The following IL1RAP variants were observed in gnomAD, a reference collection of about 807,000 sequenced individuals.
IL1RAP encodes interleukin-1 receptor accessory protein.
A neutral mutation model predicts 60.7 loss-of-function variants in IL1RAP; 35 were observed. The observed-to-expected ratio is 0.58, with a 90% CI of 0.44 to 0.76. The LOEUF is 0.76. IL1RAP is among the 30% of genes least tolerant of loss of function. The pLI, the probability that IL1RAP is intolerant of heterozygous loss-of-function variation, is 0.00. For synonymous variants in IL1RAP, 268 were observed against 250.9 expected, an observed-to-expected ratio of 1.07 and a Z score of -0.64; for missense variants, 572 against 693.9, an observed-to-expected ratio of 0.82 and a Z score of 1.97.
rs547723841 is a variant in IL1RAP at position 190,613,715 on chromosome 3, C to T, written c.537+4534C>T. Among the ~76,000 whole-genome samples, 51 of 152,182 alleles carry T rather than the reference C, an allele frequency of 3.4e-4. No homozygotes were observed. In the South Asian group the frequency reaches 0.01, roughly 30 times the overall value. On this transcript the variant is annotated intron_variant, in intron 5 of 11. Transcript: ENST00000447382. ...GGGCATGGTGGCGCACACCTGTAGT[C>T]CCAGCTACTCCGGAGGCTGAGGCAG... is the stretch of plus-strand genomic sequence containing the variant.
intron 9 of IL1RAP, among the ~76,000 whole-genome samples, chr3:190,632,925 C>G (rs1313356545): frequency 6.6e-6 from 1 of 152,180 alleles, no homozygotes; most frequent in African/African-American, 2.4e-5. Flanking sequence ...TTTCTGCATT[C>G]CCTGCTCTGT....
At chr3:190,656,634 C>A (rs1419066071) in exon 12 of IL1RAP, 16 of 1,313,340 alleles carry the variant, frequency 1.2e-5, no homozygotes, top group Non-Finnish European at 1.7e-5. Context: ...GTGGTGGCTA[C>A]TATCTCTACC....
chr3:190,630,794 T>G (rs1732726268), intron 9 of IL1RAP, among the ~76,000 whole-genome samples: 1 of 152,214 alleles, frequency 6.6e-6, no homozygotes, highest in Non-Finnish European at 1.5e-5. Context: ...AGCACCTGTG[T>G]TGAAATTCTG....
intron 1 of IL1RAP, among the ~76,000 whole-genome samples, chr3:190,514,843 C>T (rs1359926211): frequency 6.6e-6 from 1 of 152,188 alleles, no homozygotes; most frequent in Non-Finnish European, 1.5e-5. Context: ...CCGGAGGAAG[C>T]GGAGCTAGTG....
chr3:190,579,173 C>T (rs1021707811), intron 3 of IL1RAP, among the ~76,000 whole-genome samples: 8 of 152,148 alleles, frequency 5.3e-5, no homozygotes, highest in South Asian at 2.1e-4. Flanking sequence ...TCAACATTTC[C>T]GTATCTGTAG....
intron 1 of IL1RAP, among the ~76,000 whole-genome samples, chr3:190,529,562 G>C (rs1722806119): frequency 6.6e-6 from 1 of 151,996 alleles, no homozygotes; most frequent in African/African-American, 2.4e-5. Flanking sequence ...ACGCACGCCT[G>C]TACTCCCAGC....
intron 4 of IL1RAP, among the ~76,000 whole-genome samples, chr3:190,608,098 T>G (rs1004947485): frequency 2.0e-5 from 3 of 152,222 alleles, no homozygotes; most frequent in African/African-American, 4.8e-5. Flanking sequence ...GTTTTAGGTG[T>G]TACATATATA....
At chr3:190,657,672 A>G (rs1422627234) in exon 12 of IL1RAP, 1 of 152,224 alleles carries the variant, frequency 6.6e-6, no homozygotes, top group Admixed American at 6.5e-5. Context: ...AAACATTTTC[A>G]TAAACTCATA....
intron 3 of IL1RAP, among the ~76,000 whole-genome samples, chr3:190,592,637 A>G (rs1310898082): frequency 6.6e-6 from 1 of 152,218 alleles, no homozygotes; most frequent in Non-Finnish European, 1.5e-5. Flanking sequence ...CTAAGAGTGA[A>G]ACTCCAGCAT....
At chr3:190,518,630 T>C (rs1390561534) in intron 1 of IL1RAP, 1 of 152,648 alleles carries the variant, frequency 6.6e-6, no homozygotes, top group African/African-American at 2.4e-5. Context: ...GGACTTATAG[T>C]TCCACATGGC....
At chr3:190,655,884 T>A, downstream of IL1RAP, 1 of 1,531,602 alleles carries the variant, frequency 6.5e-7, no homozygotes, top group Non-Finnish European at 8.8e-7. Flanking sequence ...TCCATTTTCC[T>A]ATAGATACAG....
At chr3:190,611,303 G>A (rs577799333) in intron 5 of IL1RAP, among the ~76,000 whole-genome samples, 1 of 152,242 alleles carries the variant, frequency 6.6e-6, no homozygotes, top group East Asian at 1.9e-4. Context: ...ACCTGAGTCG[G>A]ATTAAGCCTT....
At chr3:190,635,732 A>T (rs1733166687) in intron 9 of IL1RAP, among the ~76,000 whole-genome samples, 1 of 152,180 alleles carries the variant, frequency 6.6e-6, no homozygotes, top group Non-Finnish European at 1.5e-5. Context: ...CTTGATAGTT[A>T]TTTGTAACAT....
intron 1 of IL1RAP, among the ~76,000 whole-genome samples, chr3:190,530,944 T>A (rs1722933003): frequency 8.7e-6 from 1 of 115,116 alleles, no homozygotes; most frequent in Non-Finnish European, 1.6e-5. Flanking sequence ...GACCATCAAG[T>A]GGCCACTTAG....
At position 190,651,009 on chromosome 3, in the gene IL1RAP, C is replaced by G. The variant is rs971155867; in HGVS notation, c.*2304C>G. On this transcript the variant is annotated 3_prime_UTR_variant, in exon 12 of 12. Transcript: ENST00000447382. Reference sequence around the variant, plus strand: ...CCTTTGGTACTTAATTTTACAAATGCTGTAATATAAAGCATATCAAGTTTA... The same window carrying G: ...CCTTTGGTACTTAATTTTACAAATGGTGTAATATAAAGCATATCAAGTTTA... The G allele has an allele frequency of 1.9e-5, 19 of 984,474 alleles. No individual in the cohort carries two copies. Among genetic ancestry groups the G allele is most frequent in the Non-Finnish European group, 2.3e-5 (19 of 829,482 alleles). 61.0% of individuals were successfully genotyped at this position (984,474 alleles called of 1,614,324 possible). A position where few individuals can be genotyped will look rare whatever the true frequency, so the allele number is the denominator to read the frequency against.
intron 1 of IL1RAP, among the ~76,000 whole-genome samples, chr3:190,554,462 C>A (rs946075854): frequency 6.6e-6 from 1 of 152,164 alleles, no homozygotes; most frequent in Admixed American, 6.6e-5. Flanking sequence ...TCCTGGGGAC[C>A]CTTTATATTT....
chr3:190,543,342 T>C (rs1156380534), intron 1 of IL1RAP, among the ~76,000 whole-genome samples: 1 of 152,134 alleles, frequency 6.6e-6, no homozygotes, highest in Non-Finnish European at 1.5e-5. Context: ...AAGAATGTAA[T>C]CATTCACTCA....
At chr3:190,599,958 C>T (rs964156108) in intron 3 of IL1RAP, among the ~76,000 whole-genome samples, 2 of 151,888 alleles carry the variant, frequency 1.3e-5, no homozygotes, top group African/African-American at 4.8e-5. Flanking sequence ...CCTTATCGCT[C>T]TGAGAATGTT....
chr3:190,573,074 G>A (rs1189769739), intron 3 of IL1RAP, among the ~76,000 whole-genome samples: 1 of 50,420 alleles, frequency 2.0e-5, no homozygotes. Flanking sequence ...CGTTTTAGCC[G>A]GGATGGTCTC....
Sources: gnomAD v4.1 joint callset for allele counts (sites outside exome capture counted in the v4.1 genomes callset) on GRCh38, gnomAD v4.1.1 for gene constraint, MANE v1.5 for transcripts, NCBI Gene and HGNC (gene_info 2026-07-23, HGNC 2026-07-21) for gene names.